PITRM1: variants seen among roughly 807,000 people sequenced by gnomAD.
PITRM1 encodes the protein presequence protease, mitochondrial.
In PITRM1, 100 loss-of-function variants were observed where a neutral mutation model predicts 129.9. The ratio of observed to expected loss-of-function variants is 0.77; its 90% confidence interval spans 0.65 to 0.91. PITRM1 has a LOEUF of 0.91. Among genes scored for constraint, PITRM1 ranks in the 40% least tolerant of loss-of-function variants. PITRM1 has a pLI of 0.00. For synonymous variants in PITRM1, 591 were observed against 508.8 expected (o/e 1.16, Z -2.17); for missense variants, 1,471 against 1,318.3 (o/e 1.12, Z -1.79).
chr10:3,152,337 C>T (rs1841593476), intron 14 of PITRM1, among the ~76,000 whole-genome samples: 1 of 152,192 alleles, frequency 6.6e-6, no homozygotes, highest in Non-Finnish European at 1.5e-5. Context: ...TCCACGACTC[C>T]CGGGGAGGGC....
At chr10:3,144,460 T>A (rs1338463828) in intron 21 of PITRM1, 94 bp from the exon 22 acceptor site, 5 of 727,624 alleles carry the variant, frequency 6.9e-6, no homozygotes, top group African/African-American at 1.8e-5. Context: ...ACACAGCTAA[T>A]AACAAGTGTT....
At chr10:3,162,496 TG>T (rs1360829146) in intron 7 of PITRM1, among the ~76,000 whole-genome samples, 2 of 152,336 alleles carry the variant, frequency 1.3e-5, no homozygotes, top group African/African-American at 2.4e-5. Context: ...GCCCACCAGA[TG>T]GTCTGTGGCT....
Position 3,167,055 on chromosome 10 carries a change from G to A in PITRM1, c.160-13C>T. The A allele has an allele frequency of 6.6e-7, 1 of 1,513,666 alleles. No individual in the cohort carries two copies. Among genetic ancestry groups the A allele is most frequent in the Non-Finnish European group, 9.1e-7 (1 of 1,102,752 alleles). 93.8% of individuals were successfully genotyped at this position (1,513,666 alleles called of 1,614,324 possible). On this transcript the variant is annotated splice_polypyrimidine_tract_variant and intron_variant, in intron 2 of 26. Coordinates refer to ENST00000224949, the MANE Select transcript of PITRM1 (RefSeq NM_014889.4). ...GAACAGATGTCACCTGAGTTAACAAGAAAAACACGACCAGTTAAACTTAGA... is the reference window on the plus strand; with the variant it reads ...GAACAGATGTCACCTGAGTTAACAAAAAAAACACGACCAGTTAAACTTAGA...
At chr10:3,172,055 C>A in intron 1 of PITRM1, 1 of 357,890 alleles carries the variant, frequency 2.8e-6, no homozygotes, top group South Asian at 2.1e-5. Context: ...AATTATGGGA[C>A]AGAAGCGTTT....
chr10:3,165,446 G>T lies in PITRM1; in HGVS notation c.500C>A (p.Thr167Asn). ...CAGCTCGCGTAAACATGGGAAAAAGGTGGCATCCAAATACACCGAGAGGAG... is the reference window on the plus strand; with the variant it reads ...CAGCTCGCGTAAACATGGGAAAAAGTTGGCATCCAAATACACCGAGAGGAG... ...QNLLSVYLDA[T>N]FFPCLRELDF... is the part of the protein sequence containing the mutation. Residue 167 changes from threonine (T) to asparagine (N), a missense_variant, in exon 5 of 27, where the codon ACC becomes AAC. Coordinates refer to ENST00000224949, the MANE Select transcript of PITRM1 (RefSeq NM_014889.4). The T allele has an allele frequency of 1.2e-6, 2 of 1,613,440 alleles. No individual in the cohort carries two copies. Among genetic ancestry groups the T allele is most frequent in the Non-Finnish European group, 1.7e-6 (2 of 1,179,662 alleles).
intron 7 of PITRM1, among the ~76,000 whole-genome samples, chr10:3,162,802 T>C (rs1842558021): frequency 6.6e-6 from 1 of 152,220 alleles, no homozygotes; most frequent in African/African-American, 2.4e-5. Context: ...TGCACACTCC[T>C]CTGCCGTCCC....
chr10:3,164,019 G>T, intron 6 of PITRM1, 134 bp from the exon 7 acceptor site: 9 of 420,546 alleles, frequency 2.1e-5, no homozygotes, highest in South Asian at 4.6e-5. Flanking sequence ...CTGTTCTAAT[G>T]GTTTAAAAAA....
rs1397401892 is a variant in PITRM1, at chr10:3,147,364, G to C, written c.2236-114C>G. On this transcript the variant is annotated intron_variant, in intron 19 of 26. Transcript: ENST00000224949. ...GCTTGGGCAGGGGTTATGTGTGCGA[G>C]TGCACGGCTTGGGCAGGGCTGGAAC... The C allele has an allele frequency of 1.4e-5, 14 of 986,878 alleles. No individual in the cohort carries two copies. In the East Asian group the frequency reaches 3.3e-4, roughly 24 times the overall value. The allele number at this position is 986,878 out of a possible 1,614,324, so 61.1% of individuals were successfully genotyped here.
chr10:3,167,679 C>T (rs1387766054), intron 2 of PITRM1, among the ~76,000 whole-genome samples: 1 of 152,332 alleles, frequency 6.6e-6, no homozygotes, highest in South Asian at 2.1e-4. Flanking sequence ...AGTAACACAG[C>T]ACCCCTTCCA....
intron 15 of PITRM1, 29 bp downstream of exon 15, chr10:3,151,217 AC>A: frequency 8.4e-7 from 1 of 1,195,306 alleles, no homozygotes; most frequent in Middle Eastern, 1.9e-4. Context: ...GGAACCCGAG[AC>A]CCGGGAAAAG....
At chr10:3,143,777 T>C in intron 22 of PITRM1, 1 of 662,442 alleles carries the variant, frequency 1.5e-6, no homozygotes, top group Non-Finnish European at 2.8e-6. Context: ...TAACGTATAC[T>C]GTTCAATTAA....
intron 22 of PITRM1, chr10:3,143,948 C>G: frequency 1.9e-6 from 1 of 517,486 alleles, no homozygotes; most frequent in Non-Finnish European, 3.6e-6. Flanking sequence ...GACCGCTCCA[C>G]TGGCATCGAC....
chr10:3,150,909 G>C (rs957387703), intron 15 of PITRM1, among the ~76,000 whole-genome samples: 1 of 151,906 alleles, frequency 6.6e-6, no homozygotes, highest in African/African-American at 2.4e-5. Flanking sequence ...TAGGAAAAAG[G>C]GCTCTGAGGA....
At chr10:3,159,958 T>G (rs1842310056) in intron 8 of PITRM1, 22 bp from the exon 9 acceptor site, 1 of 1,522,570 alleles carries the variant, frequency 6.6e-7, no homozygotes, top group African/African-American at 1.4e-5. Context: ...CGTGACGTTG[T>G]GAGTAGGCAC....
chr10:3,152,214 C>T (rs1387844503), intron 14 of PITRM1, among the ~76,000 whole-genome samples: 4 of 152,204 alleles, frequency 2.6e-5, no homozygotes, highest in Non-Finnish European at 4.4e-5. Context: ...TCCACTGAGC[C>T]ACAGCCCATG....
intron 3 of PITRM1, 150 bp downstream of exon 3, chr10:3,166,786 G>T: frequency 1.8e-6 from 1 of 541,834 alleles, no homozygotes; most frequent in African/African-American, 1.9e-5. Context: ...ATTATTTTTA[G>T]CTCATCAGCT....
At chr10:3,148,425 G>A (rs781452048) in intron 16 of PITRM1, 134 bp from the exon 17 acceptor site, 10 of 1,151,226 alleles carry the variant, frequency 8.7e-6, no homozygotes, top group South Asian at 3.1e-5. Flanking sequence ...TCTACACTTC[G>A]AAGGTCATAA....
chr10:3,138,257 T>G lies in PITRM1; in HGVS notation c.2998A>C (p.Lys1000Gln). Residue 1000 changes from lysine (K) to glutamine (Q), a missense_variant, in exon 26 of 27, where the codon AAG (lysine) becomes CAG (glutamine). Physicochemically the swap from Lys to Gln is moderately conservative, Grantham distance 53. Transcript: ENST00000224949. ...REQLFAVSHD[K>Q]LLAVSDRYLG... Reference sequence around the variant, plus strand: ...CACCTATCGCTCACGGCCAGGAGCTTGTCGTGGCTGACAGCAAAGAGCTGC... The same window carrying G: ...CACCTATCGCTCACGGCCAGGAGCTGGTCGTGGCTGACAGCAAAGAGCTGC... 6.2e-7 allele frequency: 1 copy of G among 1,613,340 alleles called. No individual in the cohort carries two copies. The highest frequency in any genetic ancestry group is 1.1e-5 in the South Asian group (1 of 91,060).
Position 3,151,484 on chromosome 10 carries a change from A to G in PITRM1, c.1622-121T>C, listed in dbSNP as rs115564790. 3,985 of 656,670 alleles carry G rather than the reference A, an allele frequency of 6.1e-3. 86 individuals carry two copies. Among genetic ancestry groups the G allele is most frequent in the African/African-American group, 0.052 (2,851 of 55,286 alleles). The allele number at this position is 656,670 out of a possible 1,614,324, so 40.7% of individuals were successfully genotyped here. A position where few individuals can be genotyped will look rare whatever the true frequency, so the allele number is the denominator to read the frequency against. ...GCCGTCCACGCCAAGTGTGGGGAGT[A>G]CAGGAGCACTGTGGTTTGCAAAGTA... On this transcript the variant is annotated intron_variant, in intron 14 of 26. Transcript: ENST00000224949.
Sources: gnomAD v4.1 joint callset for allele counts (sites outside exome capture counted in the v4.1 genomes callset) on GRCh38, gnomAD v4.1.1 for gene constraint, MANE v1.5 for transcripts, NCBI Gene and HGNC (gene_info 2026-07-23, HGNC 2026-07-21) for gene names.